Variants in CNTFR observed in about 807,000 individuals in gnomAD.
CNTFR encodes the protein ciliary neurotrophic factor receptor, also known as ciliary neurotrophic factor receptor subunit alpha.
A neutral mutation model predicts 40.4 loss-of-function variants in CNTFR; 12 were observed. The ratio of observed to expected loss-of-function variants is 0.30; its 90% CI spans 0.19 to 0.48. The LOEUF is 0.48. Ranked by LOEUF, CNTFR falls within the 20% of genes least tolerant of loss-of-function variation. The pLI is 0.99. For missense variants in CNTFR, 414 were observed against 506.8 expected, an observed-to-expected ratio of 0.82 and a Z score of 1.76; for synonymous variants, 202 against 209.6, an observed-to-expected ratio of 0.96 and a Z score of 0.31.
chr9:34,572,396 G>T (rs4878581), intron 2 of CNTFR, among the ~76,000 whole-genome samples: 151,798 of 152,230 alleles, frequency 1, 75,685 homozygotes, highest in Middle Eastern at 1. Context: ...TGAGATAGAT[G>T]TGCAGGATAA....
intron 1 of CNTFR, among the ~76,000 whole-genome samples, chr9:34,585,710 C>G (rs977166511): frequency 1.3e-5 from 2 of 152,150 alleles, no homozygotes; most frequent in African/African-American, 4.8e-5. Flanking sequence ...GCTGAGAGCC[C>G]TTGTGGGTTT....
At chr9:34,556,151 A>G in intron 7 of CNTFR, 104 bp downstream of exon 7, 1 of 1,276,506 alleles carries the variant, frequency 7.8e-7, no homozygotes, top group Admixed American at 2.0e-5. Flanking sequence ...AGCCTGATGC[A>G]TCAGGTCTCA....
chr9:34,560,896 C>G (rs1190336647), intron 4 of CNTFR, among the ~76,000 whole-genome samples: 2 of 152,250 alleles, frequency 1.3e-5, no homozygotes, highest in Non-Finnish European at 2.9e-5. Context: ...GTCCAGCCCA[C>G]CAAACCGCAT....
chr9:34,580,721 C>T (rs1473306034), intron 2 of CNTFR, among the ~76,000 whole-genome samples: 1 of 152,142 alleles, frequency 6.6e-6, no homozygotes, highest in African/African-American at 2.4e-5. Flanking sequence ...ACCTGCCATC[C>T]CATCTTTTTA....
chr9:34,583,134 A>G (rs189668343), intron 1 of CNTFR, among the ~76,000 whole-genome samples: 16 of 152,124 alleles, frequency 1.1e-4, no homozygotes, highest in Non-Finnish European at 1.6e-4. Flanking sequence ...CATAAACCCT[A>G]TGGTCCCCTC....
At chr9:34,574,747 T>C (rs553904712) in intron 2 of CNTFR, among the ~76,000 whole-genome samples, 3 of 152,098 alleles carry the variant, frequency 2.0e-5, no homozygotes, top group African/African-American at 4.8e-5. Flanking sequence ...CCGATGGATT[T>C]TGGCAGCGGC....
intron 7 of CNTFR, among the ~76,000 whole-genome samples, chr9:34,554,158 A>G (rs1825744343): frequency 6.6e-6 from 1 of 152,026 alleles, no homozygotes; most frequent in Non-Finnish European, 1.5e-5. Flanking sequence ...GAGGGTCCCA[A>G]AGACCCTCTT....
intron 1 of CNTFR, among the ~76,000 whole-genome samples, chr9:34,588,976 C>T (rs1287705405): frequency 6.6e-6 from 1 of 152,192 alleles, no homozygotes; most frequent in Non-Finnish European, 1.5e-5. Context: ...CAAAGAGACA[C>T]ACTGGAGGAG....
At chr9:34,553,704 G>A (rs1355248691) in intron 7 of CNTFR, among the ~76,000 whole-genome samples, 1 of 152,106 alleles carries the variant, frequency 6.6e-6, no homozygotes, top group Non-Finnish European at 1.5e-5. Flanking sequence ...CTCTCGCCCC[G>A]CTGGCCCCAT....
intron 1 of CNTFR, among the ~76,000 whole-genome samples, chr9:34,588,051 C>T (rs1341546370): frequency 1.3e-5 from 2 of 152,150 alleles, no homozygotes; most frequent in African/African-American, 2.4e-5. Context: ...TCCAGAGCCC[C>T]CAGAAGTCCT....
chr9:34,564,484 G>A (rs1826194946), intron 4 of CNTFR, 115 bp downstream of exon 4: 8 of 989,388 alleles, frequency 8.1e-6, no homozygotes, highest in Non-Finnish European at 1.1e-5. Flanking sequence ...GCAAGGGTCA[G>A]GCTGCAGCTC....
intron 2 of CNTFR, among the ~76,000 whole-genome samples, chr9:34,578,357 A>T (rs1174480690): frequency 6.6e-6 from 1 of 152,172 alleles, no homozygotes; most frequent in Admixed American, 6.5e-5. Context: ...TGTCTGAGTC[A>T]GGAGGAGATG....
chr9:34,552,239 G>A lies in CNTFR; in HGVS notation c.1040C>T (p.Ser347Leu), dbSNP rs773244506. 1.7e-5 allele frequency: 26 copies of A among 1,557,042 alleles called. No homozygotes were observed. The highest frequency in any genetic ancestry group is 2.1e-5 in the Non-Finnish European group (24 of 1,151,604). The change falls in exon 9 of 10, where the codon TCG (serine) becomes TTG (leucine). Residue 347 changes from serine to leucine, a missense_variant. Physicochemically the swap from Ser to Leu is moderately radical, Grantham distance 145. Transcript: ENST00000378980. This position sits in a 1 kb window ranked among gnomAD's most constrained non-coding sequence, Gnocchi z 5.1. ...PGELGSGGGP[S>L]APFLVSVPIT... Reference sequence around the variant, plus strand: ...GGGGACGCTGACCAAGAAGGGTGCCGAGGGTCCCCCGCCGCTGCCCAGCTC... The same window carrying A: ...GGGGACGCTGACCAAGAAGGGTGCCAAGGGTCCCCCGCCGCTGCCCAGCTC...
At chr9:34,564,541 A>G in intron 4 of CNTFR, 58 bp downstream of exon 4, 1 of 1,451,536 alleles carries the variant, frequency 6.9e-7, no homozygotes. Flanking sequence ...GATCTGGGCT[A>G]GGAGTCTGGG....
chr9:34,578,166 T>G (rs961991085), intron 2 of CNTFR, among the ~76,000 whole-genome samples: 17 of 127,112 alleles, frequency 1.3e-4, no homozygotes, highest in South Asian at 3.2e-4. Flanking sequence ...GGCGGGCGGG[T>G]GGGCGAGGGG....
chr9:34,578,847 C>G (rs988871472), intron 2 of CNTFR, among the ~76,000 whole-genome samples: 2 of 152,232 alleles, frequency 1.3e-5, no homozygotes, highest in Non-Finnish European at 2.9e-5. Context: ...GGCTCACCAT[C>G]CTGCCCTCTG....
At chr9:34,553,793 T>A (rs1825729096) in intron 7 of CNTFR, among the ~76,000 whole-genome samples, 1 of 152,172 alleles carries the variant, frequency 6.6e-6, no homozygotes, top group South Asian at 2.1e-4. Context: ...CTCTGGTTCA[T>A]CTCAGTGGCA....
At chr9:34,587,999 T>C (rs1827613179) in intron 1 of CNTFR, among the ~76,000 whole-genome samples, 2 of 152,118 alleles carry the variant, frequency 1.3e-5, no homozygotes, top group African/African-American at 4.8e-5. Context: ...CCCTAGACCC[T>C]AGAAGGAGCT....
At position 34,552,103 on chromosome 9, in the gene CNTFR, G is replaced by T. The variant is rs370069168; in HGVS notation, c.*-32C>A. Reference sequence around the variant, plus strand: ...AGACAGGCAGGGGCCTGTCAGGGAGGGGGCTGGAGTGGGGGTTCCCTCAGG... The same window carrying T: ...AGACAGGCAGGGGCCTGTCAGGGAGTGGGCTGGAGTGGGGGTTCCCTCAGG... On this transcript the variant is annotated intron_variant, in intron 9 of 9. Transcript: ENST00000378980. This position sits in a 1 kb window ranked among gnomAD's most constrained non-coding sequence, Gnocchi z 5.1. 1.4e-5 allele frequency: 22 copies of T among 1,594,876 alleles called. No individual in the cohort carries two copies. Among genetic ancestry groups the T allele is most frequent in the Non-Finnish European group, 1.7e-5 (20 of 1,168,864 alleles).
Sources: allele counts gnomAD v4.1 joint callset (sites outside exome capture counted in the v4.1 genomes callset), GRCh38; gene constraint gnomAD v4.1.1; non-coding constraint Gnocchi (gnomAD v3.1); transcripts MANE v1.5; gene names NCBI Gene and HGNC (gene_info 2026-07-23, HGNC 2026-07-21).